The following ASPRV1 variants were observed in gnomAD, a reference collection of about 807,000 sequenced individuals.
ASPRV1 encodes aspartic peptidase retroviral like 1.
Under a neutral mutation model 11.0 loss-of-function variants are expected in ASPRV1, and 7 were observed. The observed-to-expected ratio is 0.64, with a 90% CI of 0.36 to 1.20. The LOEUF is 1.20. ASPRV1 is among the 50% of genes most tolerant of loss of function. The pLI is 0.02. For synonymous variants in ASPRV1, 136 were observed against 138.4 expected, an observed-to-expected ratio of 0.98 and a Z score of 0.12; for missense variants, 299 against 320.0, an observed-to-expected ratio of 0.93 and a Z score of 0.50.
At position 69,961,366 on chromosome 2, in the gene ASPRV1, C is replaced by T. The variant is rs1390412339; in HGVS notation, c.71G>A (p.Gly24Glu). Residue 24 changes from glycine to glutamate, a missense_variant, in exon 1 of 1, where the codon GGG (glycine) becomes GAG (glutamate). Gly to Glu is a moderately conservative substitution (Grantham distance 98). Coordinates refer to ENST00000320256, the MANE Select transcript of ASPRV1 (RefSeq NM_152792.4). ...QHAFVPEPFD[G>E]ANVVPNLWLH... ...CCAGAGGTTTGGGACGACATTGGCC[C>T]CATCAAAAGGTTCCGGGACGAAGGC... 6.2e-7 allele frequency: 1 copy of T among 1,613,982 alleles called. No homozygotes were observed. Among genetic ancestry groups the T allele is most frequent in the East Asian group, 2.2e-5 (1 of 44,892 alleles).
the ASPRV1 span, among the ~76,000 whole-genome samples, chr2:70,068,771 T>C: frequency 8.5e-4 from 110 of 129,812 alleles, no homozygotes; most frequent in African/African-American, 3.0e-3. Flanking sequence ...GCGTCTCTAC[T>C]AAAAAAAAAA....
the ASPRV1 span, among the ~76,000 whole-genome samples, chr2:69,978,173 C>T: frequency 6.6e-6 from 1 of 152,174 alleles, no homozygotes; most frequent in South Asian, 2.1e-4. Context: ...AGGCAGTGAT[C>T]CCAGCATTCT....
At chr2:70,037,727 C>T in the ASPRV1 span, among the ~76,000 whole-genome samples, 128 of 151,632 alleles carry the variant, frequency 8.4e-4, no homozygotes, top group African/African-American at 3.0e-3. Context: ...TTTGCTTATG[C>T]TGTTACTTTT....
the ASPRV1 span, among the ~76,000 whole-genome samples, chr2:70,066,758 A>G: frequency 1.3e-5 from 2 of 151,720 alleles, no homozygotes; most frequent in Admixed American, 6.6e-5. Flanking sequence ...CCAGCACCAC[A>G]CTTGGCTAAT....
At chr2:70,032,827 G>C in the ASPRV1 span, among the ~76,000 whole-genome samples, 1 of 152,148 alleles carries the variant, frequency 6.6e-6, no homozygotes. Flanking sequence ...CTCAGGTTCT[G>C]TGTAACTCAT....
At chr2:69,938,455 T>A in the ASPRV1 span, 7 of 619,898 alleles carry the variant, frequency 1.1e-5, no homozygotes, top group Non-Finnish European at 2.0e-5. Flanking sequence ...GGGTTTCTGA[T>A]TGCATCCACT....
At chr2:70,044,710 C>T in the ASPRV1 span, among the ~76,000 whole-genome samples, 1 of 152,208 alleles carries the variant, frequency 6.6e-6, no homozygotes, top group East Asian at 1.9e-4. Flanking sequence ...CCGCCCACCT[C>T]GGCCTCCCAA....
At chr2:70,086,265 T>TA in the ASPRV1 span, 1 of 152,096 alleles carries the variant, frequency 6.6e-6, no homozygotes, top group African/African-American at 2.4e-5. Context: ...GTGTCGCCAT[T>TA]TTGTGTTCAG....
At chr2:70,041,147 C>G in the ASPRV1 span, among the ~76,000 whole-genome samples, 14 of 152,212 alleles carry the variant, frequency 9.2e-5, no homozygotes, top group Non-Finnish European at 2.1e-4. Context: ...CTGAGCCTTT[C>G]CATCTAGTTT....
At chr2:70,087,200 A>T in the ASPRV1 span, 4 of 152,148 alleles carry the variant, frequency 2.6e-5, no homozygotes, top group Non-Finnish European at 5.9e-5. Flanking sequence ...CCGCATACAC[A>T]GCACTAGTAT....
At chr2:69,947,464 T>C in the ASPRV1 span, among the ~76,000 whole-genome samples, 1 of 152,162 alleles carries the variant, frequency 6.6e-6, no homozygotes, top group Non-Finnish European at 1.5e-5. Flanking sequence ...AAATTCACAC[T>C]TCACCTTTAG....
the ASPRV1 span, chr2:69,938,279 C>T: frequency 6.2e-7 from 1 of 1,614,030 alleles, no homozygotes; most frequent in South Asian, 1.1e-5. Context: ...GTGTCTTGGT[C>T]TCTAAGAGAG....
the ASPRV1 span, among the ~76,000 whole-genome samples, chr2:70,019,536 A>T: frequency 6.6e-6 from 1 of 152,214 alleles, no homozygotes; most frequent in Admixed American, 6.5e-5. Flanking sequence ...AGATGAATGG[A>T]TAAAGAAAAT....
the ASPRV1 span, among the ~76,000 whole-genome samples, chr2:69,950,546 T>TA: frequency 6.6e-6 from 1 of 152,076 alleles, no homozygotes; most frequent in African/African-American, 2.4e-5. Context: ...ATCTAAATGT[T>TA]AAAAAATAGG....
At chr2:70,070,292 G>C in the ASPRV1 span, 1 of 151,200 alleles carries the variant, frequency 6.6e-6, no homozygotes, top group Non-Finnish European at 1.5e-5. Flanking sequence ...TTACTTACAA[G>C]GAAAAAAAAT....
At chr2:70,021,535 G>T in the ASPRV1 span, among the ~76,000 whole-genome samples, 1 of 151,572 alleles carries the variant, frequency 6.6e-6, no homozygotes, top group Non-Finnish European at 1.5e-5. Context: ...AGCCAGGATG[G>T]TCTCCATCTC....
chr2:70,083,887 G>C, the ASPRV1 span, among the ~76,000 whole-genome samples: 1 of 152,210 alleles, frequency 6.6e-6, no homozygotes, highest in Non-Finnish European at 1.5e-5. Flanking sequence ...AGAAGTCTCA[G>C]AGCTAGACAG....
chr2:70,034,779 T>C, the ASPRV1 span: 9,959 of 152,134 alleles, frequency 0.065, 498 homozygotes, highest in East Asian at 0.22. Context: ...AGCACTAACA[T>C]TCCTGCCCCC....
At chr2:70,054,886 CTAAGA>C in the ASPRV1 span, among the ~76,000 whole-genome samples, 1 of 152,154 alleles carries the variant, frequency 6.6e-6, no homozygotes, top group Non-Finnish European at 1.5e-5. Flanking sequence ...GTAAAGTTAA[CTAAGA>C]TATTATTTAA....
Sources: gnomAD v4.1 joint callset for allele counts (sites outside exome capture counted in the v4.1 genomes callset) on GRCh38, gnomAD v4.1.1 for gene constraint, MANE v1.5 for transcripts, NCBI Gene and HGNC (gene_info 2026-07-23, HGNC 2026-07-21) for gene names.